Variants in ATP2B2 observed in about 807,000 individuals in gnomAD.
ATP2B2 encodes the protein plasma membrane calcium-transporting ATPase 2.
In ATP2B2, 15 loss-of-function variants were observed where a neutral mutation model predicts 120.0. The observed-to-expected ratio is 0.12, with a 90% CI of 0.08 to 0.19. The LOEUF (loss-of-function observed/expected upper bound fraction) is 0.19. Ranked by LOEUF, ATP2B2 falls within the 10% of genes least tolerant of loss-of-function variation. The pLI is 1.00. For synonymous variants in ATP2B2, 694 were observed against 700.3 expected (o/e 0.99, Z 0.14); for missense variants, 1,045 against 1,719.8 (o/e 0.61, Z 6.94).
intron 2 of ATP2B2, among the ~76,000 whole-genome samples, chr3:10,549,200 T>C (rs748930906): frequency 1.3e-5 from 2 of 152,198 alleles, no homozygotes; most frequent in African/African-American, 2.4e-5. Flanking sequence ...CTTCCTCCCC[T>C]GAGTTCTAGC....
intron 1 of ATP2B2, among the ~76,000 whole-genome samples, chr3:10,703,319 T>C (rs965929362): frequency 3.3e-5 from 5 of 152,218 alleles, no homozygotes; most frequent in African/African-American, 9.6e-5. Flanking sequence ...CCTCTGTACC[T>C]GAGTGAAGCC....
intron 2 of ATP2B2, among the ~76,000 whole-genome samples, chr3:10,578,680 G>C (rs751187642): frequency 6.6e-6 from 1 of 152,174 alleles, no homozygotes. Flanking sequence ...CAAGAGAACA[G>C]ATGAACAACT....
chr3:10,344,782 C>A (rs2060383304), intron 18 of ATP2B2, among the ~76,000 whole-genome samples: 1 of 152,214 alleles, frequency 6.6e-6, no homozygotes, highest in Non-Finnish European at 1.5e-5. Flanking sequence ...AAGAAGCAGT[C>A]AGTCTGCAGA....
chr3:10,587,778 TCTCA>T (rs942085564), intron 2 of ATP2B2, among the ~76,000 whole-genome samples: 1 of 149,902 alleles, frequency 6.7e-6, no homozygotes, highest in Non-Finnish European at 1.5e-5. Context: ...TTTGTTTGTT[TCTCA>T]CTGTCATGCT....
chr3:10,588,005 T>C (rs1288950554), intron 2 of ATP2B2, among the ~76,000 whole-genome samples: 1 of 152,244 alleles, frequency 6.6e-6, no homozygotes, highest in Non-Finnish European at 1.5e-5. Flanking sequence ...CCTTCAGCAA[T>C]TTCCCCGTGC....
At chr3:10,382,838 T>C (rs1249044930) in intron 8 of ATP2B2, among the ~76,000 whole-genome samples, 1 of 151,626 alleles carries the variant, frequency 6.6e-6, no homozygotes, top group Non-Finnish European at 1.5e-5. Context: ...AAGGGAAAAA[T>C]TATCACCCTA....
At chr3:10,470,399 C>A (rs770148852) in intron 1 of ATP2B2, among the ~76,000 whole-genome samples, 1 of 152,076 alleles carries the variant, frequency 6.6e-6, no homozygotes, top group Non-Finnish European at 1.5e-5. Flanking sequence ...AGATCTGAAC[C>A]CAGGCCAGTG....
Position 10,327,658 on chromosome 3 carries a change from A to G in ATP2B2, c.*1156T>C, listed in dbSNP as rs2059881141. The stretch of plus-strand genomic sequence containing the variant: ...CTCTTAGTAAACTCAAGCGAGTTTC[A>G]TTGAGAGAAAAGTCTTCGAGCAGTG... On this transcript the variant is annotated 3_prime_UTR_variant, in exon 23 of 23. Transcript: ENST00000360273. 1 of 152,708 alleles carries G rather than the reference A, an allele frequency of 6.5e-6. No homozygotes were observed. Among genetic ancestry groups the G allele is most frequent in the South Asian group, 2.1e-4 (1 of 4,838 alleles). 9.5% of individuals were successfully genotyped at this position (152,708 alleles called of 1,614,324 possible). A position where few individuals can be genotyped will look rare whatever the true frequency, so the allele number is the denominator to read the frequency against.
chr3:10,415,620 T>A (rs1025399588), intron 2 of ATP2B2, among the ~76,000 whole-genome samples: 3 of 152,222 alleles, frequency 2.0e-5, no homozygotes, highest in Admixed American at 2.0e-4. Flanking sequence ...GAGCTGAATC[T>A]TGTGGTCTCC....
chr3:10,613,349 AT>A (rs2125611912), intron 2 of ATP2B2, among the ~76,000 whole-genome samples: 1 of 152,252 alleles, frequency 6.6e-6, no homozygotes, highest in Admixed American at 6.5e-5. Context: ...ATTCTAGTGA[AT>A]TATCAAACCA....
chr3:10,566,114 T>A (rs1006479856), intron 2 of ATP2B2: 3 of 151,942 alleles, frequency 2.0e-5, no homozygotes, highest in African/African-American at 7.3e-5. Context: ...ACCCTCCAAC[T>A]CTCTTATTCA....
chr3:10,603,877 C>A (rs1032392951), intron 2 of ATP2B2, among the ~76,000 whole-genome samples: 2 of 152,184 alleles, frequency 1.3e-5, no homozygotes, highest in African/African-American at 4.8e-5. Context: ...AAATGAAGGT[C>A]TTTTGGGTCC....
At chr3:10,486,277 T>G (rs898338134) in intron 1 of ATP2B2, among the ~76,000 whole-genome samples, 2 of 151,902 alleles carry the variant, frequency 1.3e-5, no homozygotes, top group African/African-American at 4.8e-5. Context: ...AGGGATTTAA[T>G]GAGATGACAA....
intron 2 of ATP2B2, among the ~76,000 whole-genome samples, chr3:10,413,541 T>C (rs2062684232): frequency 6.6e-6 from 1 of 152,196 alleles, no homozygotes; most frequent in African/African-American, 2.4e-5. Context: ...TCCTAGGCCC[T>C]GAGAGCCCAG....
chr3:10,526,132 G>A (rs1260349658), intron 3 of ATP2B2, among the ~76,000 whole-genome samples: 1 of 152,200 alleles, frequency 6.6e-6, no homozygotes, highest in African/African-American at 2.4e-5. Flanking sequence ...TATTAAAACA[G>A]GTGTGTGAGC....
rs1035512016 is a variant in ATP2B2, at chr3:10,599,720, G to A, written c.-415+20197C>T. Among the ~76,000 whole-genome samples, 4 of 148,492 alleles carry A rather than the reference G, an allele frequency of 2.7e-5. No homozygotes were observed. In the East Asian group the frequency reaches 5.9e-4, roughly 22 times the overall value. On this transcript the variant is annotated intron_variant, in intron 2 of 21. Coordinates refer to the ATP2B2 transcript ENST00000646379. ...ATTACCTAAGTGTATTCATTCAACC[G>A]TGACTGAGTACGTGATCTGTGCCAG...
chr3:10,706,055 C>A (rs960784695), intron 1 of ATP2B2, among the ~76,000 whole-genome samples: 5 of 152,200 alleles, frequency 3.3e-5, no homozygotes, highest in Non-Finnish European at 7.3e-5. Flanking sequence ...ATGAGTGTGT[C>A]TCTGAGAGTG....
At chr3:10,619,666 C>T (rs2069492850) in intron 2 of ATP2B2, among the ~76,000 whole-genome samples, 1 of 152,210 alleles carries the variant, frequency 6.6e-6, no homozygotes, top group Non-Finnish European at 1.5e-5. Context: ...GCTTTCAGAC[C>T]TGCTTCTGCC....
rs777990801 is a variant in ATP2B2 at position 10,402,230 on chromosome 3, G to A, written c.516C>T (p.Asp172=). 1 of 1,614,182 alleles carries A rather than the reference G, an allele frequency of 6.2e-7. No homozygotes were observed. Among genetic ancestry groups the A allele is most frequent in the Non-Finnish European group, 8.5e-7 (1 of 1,180,032 alleles). The change falls in exon 4 of 23, where the codon GAC becomes GAT. Residue 172 remains aspartate, a synonymous_variant. Transcript: ENST00000360273. The surrounding 1 kb of genome is among the most constrained non-coding windows in gnomAD (Gnocchi z 4.9). Reference sequence around the variant, plus strand: ...CCCGGAACTGTTTCTCTTTGCTCCAGTCATTGAAGGCCGTGACCAGGACCA... The same window carrying A: ...CCCGGAACTGTTTCTCTTTGCTCCAATCATTGAAGGCCGTGACCAGGACCA... ...ICVVLVTAFN[D]WSKEKQFRGL...
Sources: allele counts gnomAD v4.1 joint callset (sites outside exome capture counted in the v4.1 genomes callset), GRCh38; gene constraint gnomAD v4.1.1; non-coding constraint Gnocchi (gnomAD v3.1); transcripts MANE v1.5; gene names NCBI Gene and HGNC (gene_info 2026-07-23, HGNC 2026-07-21).